The following SH3PXD2A variants were observed in gnomAD, a reference collection of about 807,000 sequenced individuals.
SH3PXD2A encodes SH3 and PX domains 2A, also known as SH3 and PX domain-containing protein 2A.
A neutral mutation model predicts 115.2 loss-of-function variants in SH3PXD2A; 32 were observed. The observed-to-expected ratio is 0.28, with a 90% CI of 0.21 to 0.37. The LOEUF is 0.37. Among genes scored for constraint, SH3PXD2A ranks in the 10% least tolerant of loss-of-function variants. The pLI is 1.00. For synonymous variants in SH3PXD2A, 610 were observed against 629.1 expected, an observed-to-expected ratio of 0.97 and a Z score of 0.45; for missense variants, 1,328 against 1,498.7, an observed-to-expected ratio of 0.89 and a Z score of 1.88.
Position 103,602,735 on chromosome 10 carries a change from G to A in SH3PXD2A, c.2483C>T (p.Thr828Ile). 1 of 1,614,118 alleles carries A rather than the reference G, an allele frequency of 6.2e-7. No homozygotes were observed. Among genetic ancestry groups the A allele is most frequent in the South Asian group, 1.1e-5 (1 of 91,056 alleles). ...SSSDLITLPA[T>I]TPPCPTKKEW... ...CTTCTTGGTGGGACATGGGGGAGTG[G>A]TGGCTGGGAGGGTGATGAGGTCGGA... Residue 828 changes from threonine (T) to isoleucine (I), a missense_variant, in exon 15 of 15, where the codon ACC becomes ATC. By Grantham distance (89) the Thr-to-Ile change is moderately conservative (BLOSUM62 -1). This residue lies in a region of SH3PXD2A where 574 missense variants were observed against 565.7 expected (regional missense o/e 1.01). Transcript: ENST00000369774.
intron 1 of SH3PXD2A, among the ~76,000 whole-genome samples, chr10:103,828,920 G>A (rs1283871665): frequency 1.3e-5 from 2 of 152,296 alleles, no homozygotes; most frequent in East Asian, 1.9e-4. Context: ...GATTTCTGCA[G>A]CTGCATCTGG....
intron 2 of SH3PXD2A, among the ~76,000 whole-genome samples, chr10:103,797,724 G>A (rs1469771005): frequency 6.6e-6 from 1 of 151,446 alleles, no homozygotes; most frequent in Non-Finnish European, 1.5e-5. Context: ...GGGAGGGGGT[G>A]GGGAGTGTGG....
At chr10:103,782,131 A>G (rs2038936974) in intron 2 of SH3PXD2A, among the ~76,000 whole-genome samples, 1 of 152,206 alleles carries the variant, frequency 6.6e-6, no homozygotes, top group Non-Finnish European at 1.5e-5. Context: ...ACTGGGACCG[A>G]AAGAAGAATA....
intron 1 of SH3PXD2A, among the ~76,000 whole-genome samples, chr10:103,831,348 G>A (rs1457286098): frequency 6.6e-6 from 1 of 152,160 alleles, no homozygotes; most frequent in Non-Finnish European, 1.5e-5. Flanking sequence ...AGCCATTAGG[G>A]CTGTTCACTG....
intron 1 of SH3PXD2A, among the ~76,000 whole-genome samples, chr10:103,822,096 G>A (rs1380452473): frequency 1.3e-5 from 2 of 152,016 alleles, no homozygotes; most frequent in Non-Finnish European, 2.9e-5. Context: ...TAAAGACAGG[G>A]TTTCACCAGG....
intron 10 of SH3PXD2A, among the ~76,000 whole-genome samples, chr10:103,619,856 G>A (rs533945010): frequency 8.5e-5 from 13 of 152,172 alleles, no homozygotes; most frequent in African/African-American, 2.4e-4. Context: ...GTCCTGCCCC[G>A]GTCACTGCAC....
chr10:103,632,169 A>T (rs1320810155), intron 8 of SH3PXD2A, among the ~76,000 whole-genome samples: 3 of 151,926 alleles, frequency 2.0e-5, no homozygotes, highest in African/African-American at 7.3e-5. Flanking sequence ...CCCACCTAAA[A>T]AAAAAACCAA....
intron 2 of SH3PXD2A, among the ~76,000 whole-genome samples, chr10:103,796,384 T>TA (rs768901709): frequency 0.054 from 7,716 of 141,884 alleles, 597 homozygotes; most frequent in East Asian, 0.27. Flanking sequence ...TAAATAAAAG[T>TA]AAAAAAAAAA....
chr10:103,839,624 C>G (rs2039578388), intron 1 of SH3PXD2A, among the ~76,000 whole-genome samples: 1 of 151,644 alleles, frequency 6.6e-6, no homozygotes, highest in South Asian at 2.1e-4. Context: ...CAAGGCCACG[C>G]AGCCCCTCCC....
chr10:103,605,847 T>C lies in SH3PXD2A; in HGVS notation c.1379A>G (p.Gln460Arg). The C allele has an allele frequency of 1.2e-6, 2 of 1,613,380 alleles. No homozygotes were observed. The highest frequency in any genetic ancestry group is 1.7e-6 in the Non-Finnish European group (2 of 1,179,250). Residue 460 changes from glutamine to arginine, a missense_variant, in exon 14 of 15, where the codon CAG becomes CGG. Gln to Arg is a conservative substitution (Grantham distance 43). Transcript: ENST00000369774. Reference protein sequence around the residue: ...EVEYYTIAEFQSCISDGISFR... With the variant: ...EVEYYTIAEFRSCISDGISFR... ...GCTGATGCCATCGGAAATGCACGAC[T>C]GGAATTCGGCAATGGTGTAGTACTC...
intron 5 of SH3PXD2A, among the ~76,000 whole-genome samples, chr10:103,693,923 C>T (rs966493057): frequency 3.9e-5 from 6 of 152,292 alleles, no homozygotes; most frequent in Admixed American, 2.6e-4. Flanking sequence ...TCCCAGCCTC[C>T]GTTTACCTGC....
chr10:103,708,338 A>G (rs1351819022), intron 5 of SH3PXD2A, among the ~76,000 whole-genome samples: 1 of 152,158 alleles, frequency 6.6e-6, no homozygotes, highest in Non-Finnish European at 1.5e-5. Flanking sequence ...TGCGGCTGCC[A>G]GGCTCTTTCC....
At chr10:103,782,931 CTT>C (rs1564887985) in intron 2 of SH3PXD2A, among the ~76,000 whole-genome samples, 1 of 139,466 alleles carries the variant, frequency 7.2e-6, no homozygotes, top group African/African-American at 3.1e-5. Context: ...GAATGCATGC[CTT>C]GGGGGGGGGG....
chr10:103,634,355 A>G (rs1227415713), intron 8 of SH3PXD2A, among the ~76,000 whole-genome samples: 1 of 152,278 alleles, frequency 6.6e-6, no homozygotes, highest in African/African-American at 2.4e-5. Flanking sequence ...TGTATCACAC[A>G]TTGACAGCTG....
At chr10:103,646,560 G>A (rs982108418) in intron 8 of SH3PXD2A, among the ~76,000 whole-genome samples, 1 of 152,146 alleles carries the variant, frequency 6.6e-6, no homozygotes, top group South Asian at 2.1e-4. Flanking sequence ...GCACCCACAG[G>A]GGAGAGGCCT....
intron 5 of SH3PXD2A, among the ~76,000 whole-genome samples, chr10:103,722,730 C>T (rs537666247): frequency 1.3e-5 from 2 of 152,080 alleles, no homozygotes; most frequent in Non-Finnish European, 2.9e-5. Context: ...AGGGATCTGC[C>T]TGGACATTAC....
chr10:103,851,413 T>C (rs527781868), intron 1 of SH3PXD2A, among the ~76,000 whole-genome samples: 2 of 152,296 alleles, frequency 1.3e-5, no homozygotes, highest in East Asian at 3.9e-4. Context: ...GGTAGATGTC[T>C]CTACAGTGAG....
At chr10:103,837,798 C>T (rs116093895) in intron 1 of SH3PXD2A, among the ~76,000 whole-genome samples, 1,962 of 152,284 alleles carry the variant, frequency 0.013, 48 homozygotes, top group African/African-American at 0.044. Flanking sequence ...CAAACTAGGA[C>T]ACACACAGTA....
At chr10:103,700,632 G>A (rs2037881361) in intron 5 of SH3PXD2A, among the ~76,000 whole-genome samples, 1 of 152,198 alleles carries the variant, frequency 6.6e-6, no homozygotes, top group Non-Finnish European at 1.5e-5. Flanking sequence ...GGGAAGTGGG[G>A]AGGATGGCAG....
Sources: allele counts gnomAD v4.1 joint callset (sites outside exome capture counted in the v4.1 genomes callset), GRCh38; gene constraint gnomAD v4.1.1; regional missense constraint gnomAD v4.1.1; transcripts MANE v1.5; gene names NCBI Gene and HGNC (gene_info 2026-07-23, HGNC 2026-07-21).